Variants in CELF5 observed in about 807,000 individuals in gnomAD.
The protein encoded by CELF5 is CUG-BP and ETR-3 like factor 5.
A neutral mutation model predicts 54.9 loss-of-function variants in CELF5; 6 were observed. The observed-to-expected ratio is 0.11, with a 90% CI of 0.06 to 0.22. The LOEUF (loss-of-function observed/expected upper bound fraction) is 0.22, where lower values mean the gene tolerates loss of function less well. CELF5 is among the 10% of genes least tolerant of loss of function. The pLI, the probability that CELF5 is intolerant of heterozygous loss-of-function variation, is 1.00. For synonymous variants in CELF5, 271 were observed against 290.9 expected, an observed-to-expected ratio of 0.93 and a Z score of 0.70; for missense variants, 401 against 678.6, an observed-to-expected ratio of 0.59 and a Z score of 4.54.
Position 3,275,773 on chromosome 19 carries a change from C to A in CELF5, c.395-83C>A. On this transcript the variant is annotated intron_variant, in intron 3 of 12. Transcript: ENST00000292672. This position sits in a 1 kb window ranked among gnomAD's most constrained non-coding sequence, Gnocchi z 6.7. Reference sequence around the variant, plus strand: ...GCCGCGTCTTCCTGCCCTGCCGCCTCCACTCTGCTGGAGGGAGGGAGGAAT... The same window carrying A: ...GCCGCGTCTTCCTGCCCTGCCGCCTACACTCTGCTGGAGGGAGGGAGGAAT... 6.9e-7 allele frequency: 1 copy of A among 1,457,764 alleles called. No homozygotes were observed. 90.3% of individuals were successfully genotyped at this position (1,457,764 alleles called of 1,614,324 possible).
At chr19:3,279,999 G>A (rs116815546) in intron 5 of CELF5, among the ~76,000 whole-genome samples, 24,082 of 152,082 alleles carry the variant, frequency 0.16, 2,334 homozygotes, top group Middle Eastern at 0.23. Context: ...CACTGTGCCC[G>A]GCCACCAGGC....
At chr19:3,235,777 GATGGATGGATGA>G (rs1917566567) in intron 1 of CELF5, among the ~76,000 whole-genome samples, 1 of 146,468 alleles carries the variant, frequency 6.8e-6, no homozygotes, top group Non-Finnish European at 1.5e-5. Flanking sequence ...TGGATAGATG[GATGGATGGATGA>G]ATGGATGGAT....
chr19:3,282,506 G>C lies in CELF5; in HGVS notation c.1039+8G>C. ...GCCTTGTGCCCTACCCAGGTAAATT[G>C]GGGTCGTCCTCTGGGGCCTAGGAGA... On this transcript the variant is annotated splice_region_variant and intron_variant, in intron 8 of 12. Transcript: ENST00000292672. This position sits in a 1 kb window ranked among gnomAD's most constrained non-coding sequence, Gnocchi z 5.2. 1 of 1,608,086 alleles carries C rather than the reference G, an allele frequency of 6.2e-7. No homozygotes were observed. The highest frequency in any genetic ancestry group is 1.3e-5 in the African/African-American group (1 of 74,964).
rs535529034 is a variant in CELF5 at position 3,234,477 on chromosome 19, G to T, written c.259+9479G>T. Among the ~76,000 whole-genome samples, 27 of 152,230 alleles carry T rather than the reference G, an allele frequency of 1.8e-4. 1 individual carries two copies. Among genetic ancestry groups the T allele is most frequent in the African/African-American group, 5.8e-4 (24 of 41,548 alleles). The stretch of plus-strand genomic sequence containing the variant: ...CATTTGTGGTTGTCATGATTTGGGG[G>T]TGCTTCTGGCTGCGAGTGGTGTCGA... On this transcript the variant is annotated intron_variant, in intron 1 of 12. Coordinates refer to ENST00000292672, the MANE Select transcript of CELF5 (RefSeq NM_021938.4).
chr19:3,250,129 CTTTT>C (rs1013404323), intron 1 of CELF5, among the ~76,000 whole-genome samples: 2 of 152,194 alleles, frequency 1.3e-5, no homozygotes, highest in African/African-American at 4.8e-5. Context: ...ATCCTCTTCT[CTTTT>C]TATTTTTTGA....
At chr19:3,263,886 T>C (rs1206848766) in intron 2 of CELF5, among the ~76,000 whole-genome samples, 2 of 152,184 alleles carry the variant, frequency 1.3e-5, no homozygotes, top group South Asian at 2.1e-4. Context: ...GGCTGGGCGA[T>C]ACAGTGAGAC....
intron 2 of CELF5, 110 bp from the exon 3 acceptor site, chr19:3,273,762 G>A (rs1009360261): frequency 9.4e-6 from 7 of 745,256 alleles, no homozygotes; most frequent in African/African-American, 3.4e-5. Flanking sequence ...GGGTGCTGAG[G>A]GCTGGTGGTG....
intron 2 of CELF5, among the ~76,000 whole-genome samples, chr19:3,263,858 T>C (rs951663165): frequency 2.6e-5 from 4 of 152,042 alleles, no homozygotes; most frequent in Non-Finnish European, 5.9e-5. Flanking sequence ...TGAGCCGAGA[T>C]TGCACCACTG....
intron 1 of CELF5, among the ~76,000 whole-genome samples, chr19:3,248,846 CTT>C (rs1185637740): frequency 2.9e-5 from 4 of 139,342 alleles, no homozygotes; most frequent in Non-Finnish European, 6.3e-5. Context: ...AAACTTTTTT[CTT>C]TCTTTCTTCC....
At position 3,275,631 on chromosome 19, in the gene CELF5, A is replaced by C. The variant is rs2080035576; in HGVS notation, c.395-225A>C. Among the ~76,000 whole-genome samples the C allele has an allele frequency of 6.6e-6, 1 of 152,136 alleles. No individual in the cohort carries two copies. Among genetic ancestry groups the C allele is most frequent in the South Asian group, 2.1e-4 (1 of 4,828 alleles). On this transcript the variant is annotated intron_variant, in intron 3 of 12. Coordinates refer to ENST00000292672, the MANE Select transcript of CELF5 (RefSeq NM_021938.4). This position sits in a 1 kb window ranked among gnomAD's most constrained non-coding sequence, Gnocchi z 6.7. ...CCAGGCGGGGGCGCCACCTGGGCAAAGGCCGGGAGATGGGAGCGTGCAGGG... is the reference window on the plus strand; with the variant it reads ...CCAGGCGGGGGCGCCACCTGGGCAACGGCCGGGAGATGGGAGCGTGCAGGG...
intron 10 of CELF5, chr19:3,286,502 C>G (rs112535129): frequency 6.5e-6 from 1 of 154,494 alleles, no homozygotes; most frequent in Admixed American, 6.5e-5. Flanking sequence ...TTTTGGGGGC[C>G]GAGGTGGGAG....
rs888263158 is a variant in CELF5 at position 3,278,198 on chromosome 19, G to A, written c.603+88G>A. The stretch of plus-strand genomic sequence containing the variant: ...TGAAACAGGCCATATTCCTACCGTC[G>A]CTGTCATCCGGTAGCCCCTGGCTGT... On this transcript the variant is annotated intron_variant, in intron 5 of 12. Transcript: ENST00000292672. The surrounding 1 kb of genome is among the most constrained non-coding windows in gnomAD (Gnocchi z 4.5). 2.8e-4 allele frequency: 268 copies of A among 948,078 alleles called. 2 individuals are homozygous for A. Among genetic ancestry groups the A allele is most frequent in the Admixed American group, 3.0e-4 (14 of 47,452 alleles). 58.7% of individuals were successfully genotyped at this position (948,078 alleles called of 1,614,324 possible). A position where few individuals can be genotyped will look rare whatever the true frequency, so the allele number is the denominator to read the frequency against.
rs2079921313 is a variant in CELF5, at chr19:3,268,999, G to A, written c.343-4873G>A. The stretch of plus-strand genomic sequence containing the variant: ...TGAGCCTCTACCCAGAGAGCAATAG[G>A]GAGCCACAGCAGCGTTTAGAGCAGG... On this transcript the variant is annotated intron_variant, in intron 2 of 12. Coordinates refer to ENST00000292672, the MANE Select transcript of CELF5 (RefSeq NM_021938.4). The surrounding 1 kb of genome is among the most constrained non-coding windows in gnomAD (Gnocchi z 4.4). Among the ~76,000 whole-genome samples the A allele has an allele frequency of 6.6e-6, 1 of 152,060 alleles. No individual in the cohort carries two copies. Among genetic ancestry groups the A allele is most frequent in the Non-Finnish European group, 1.5e-5 (1 of 68,018 alleles).
intron 1 of CELF5, among the ~76,000 whole-genome samples, chr19:3,237,604 T>G (rs1283858645): frequency 6.6e-6 from 1 of 152,152 alleles, no homozygotes; most frequent in Non-Finnish European, 1.5e-5. Flanking sequence ...TAATGAGCAG[T>G]GAGGATGACC....
intron 1 of CELF5, among the ~76,000 whole-genome samples, chr19:3,240,627 C>T (rs1181035105): frequency 1.3e-5 from 2 of 151,928 alleles, no homozygotes; most frequent in Non-Finnish European, 2.9e-5. Context: ...TGCGCCCGGC[C>T]CTACCACACA....
chr19:3,231,597 A>G (rs1024804965), intron 1 of CELF5, among the ~76,000 whole-genome samples: 3 of 148,330 alleles, frequency 2.0e-5, no homozygotes, highest in African/African-American at 7.5e-5. Flanking sequence ...GGGTGGGTGG[A>G]TGGATGGATG....
chr19:3,245,284 C>A (rs1470728723), intron 1 of CELF5, among the ~76,000 whole-genome samples: 1 of 127,428 alleles, frequency 7.8e-6, no homozygotes, highest in Non-Finnish European at 1.6e-5. Flanking sequence ...TGTGTGTGTG[C>A]GTGTGTGTTT....
intron 1 of CELF5, among the ~76,000 whole-genome samples, chr19:3,229,187 C>CT (rs887831865): frequency 1.3e-5 from 2 of 149,454 alleles, no homozygotes; most frequent in African/African-American, 4.9e-5. Flanking sequence ...AACAGAATTC[C>CT]TTGTAGGATT....
At chr19:3,291,241 A>G (rs900059549) in intron 11 of CELF5, among the ~76,000 whole-genome samples, 4 of 151,974 alleles carry the variant, frequency 2.6e-5, no homozygotes, top group East Asian at 1.9e-4. Context: ...ATTCCAGCCC[A>G]GACAACACAG....
Sources: allele counts gnomAD v4.1 joint callset (sites outside exome capture counted in the v4.1 genomes callset), GRCh38; gene constraint gnomAD v4.1.1; non-coding constraint Gnocchi (gnomAD v3.1); transcripts MANE v1.5; gene names NCBI Gene and HGNC (gene_info 2026-07-23, HGNC 2026-07-21).